OPCML: variants seen among roughly 807,000 people sequenced by gnomAD.
OPCML encodes opioid binding protein/cell adhesion molecule like.
A neutral mutation model predicts 37.8 loss-of-function variants in OPCML; 13 were observed. The observed-to-expected ratio is 0.34, with a 90% CI of 0.22 to 0.55. The LOEUF (loss-of-function observed/expected upper bound fraction) is 0.55, where lower values mean the gene tolerates loss of function less well. Among genes scored for constraint, OPCML ranks in the 20% least tolerant of loss-of-function variants. The pLI is 0.91. For missense variants in OPCML, 341 were observed against 435.6 expected (o/e 0.78, Z 1.93); for synonymous variants, 176 against 168.8 (o/e 1.04, Z -0.33).
At chr11:133,519,972 G>A (rs1398658705) in intron 1 of OPCML, among the ~76,000 whole-genome samples, 8 of 152,128 alleles carry the variant, frequency 5.3e-5, no homozygotes, top group African/African-American at 1.4e-4. Flanking sequence ...GCCACCTTAC[G>A]TCTCTGAGAG....
intron 2 of OPCML, among the ~76,000 whole-genome samples, chr11:132,940,012 C>T (rs966770369): frequency 6.6e-6 from 1 of 152,190 alleles, no homozygotes; most frequent in African/African-American, 2.4e-5. Context: ...ATTATTTTTG[C>T]TTTTCAAGTA....
rs116501961 is a variant in OPCML at position 133,153,163 on chromosome 11, G to A, written c.62-210153C>T. Among the ~76,000 whole-genome samples the A allele has an allele frequency of 4.5e-3, 692 of 152,246 alleles. 2 individuals are homozygous for A. Among genetic ancestry groups the A allele is most frequent in the African/African-American group, 0.016 (659 of 41,556 alleles). ...ATTCTGCAGCAGCTCAGAGAAAAGC[G>A]CTAGAAATTACTGGAGCTGTGGGAG... is the stretch of plus-strand genomic sequence containing the variant. On this transcript the variant is annotated intron_variant, in intron 1 of 7. Coordinates refer to ENST00000524381, the MANE Select transcript of OPCML (RefSeq NM_001012393.5).
intron 1 of OPCML, among the ~76,000 whole-genome samples, chr11:133,240,213 A>C (rs934914010): frequency 2.9e-4 from 14 of 48,670 alleles, no homozygotes; most frequent in Non-Finnish European, 4.1e-4. Flanking sequence ...CACTTGGGGC[A>C]AAAAAAAAAA....
chr11:133,421,380 C>T (rs943197173), intron 1 of OPCML: 1 of 985,354 alleles, frequency 1.0e-6, no homozygotes. Context: ...GGGTGTCACT[C>T]GGAGACCAGA....
At chr11:133,327,211 G>A (rs1426422935) in intron 1 of OPCML, among the ~76,000 whole-genome samples, 1 of 151,260 alleles carries the variant, frequency 6.6e-6, no homozygotes, top group Non-Finnish European at 1.5e-5. Flanking sequence ...GAGGGGGTAT[G>A]TGGGTATGTG....
chr11:132,510,176 T>C (rs2096265863), intron 4 of OPCML, among the ~76,000 whole-genome samples: 1 of 152,190 alleles, frequency 6.6e-6, no homozygotes, highest in South Asian at 2.1e-4. Context: ...GTAATCCCTT[T>C]GTTTTGGCCA....
At chr11:132,489,880 C>T (rs1178107999) in intron 4 of OPCML, among the ~76,000 whole-genome samples, 2 of 152,060 alleles carry the variant, frequency 1.3e-5, no homozygotes, top group Non-Finnish European at 2.9e-5. Flanking sequence ...GTGATGTTCC[C>T]CTCCCAGTGT....
intron 3 of OPCML, among the ~76,000 whole-genome samples, chr11:132,577,187 T>C (rs1345948030): frequency 2.0e-5 from 3 of 152,162 alleles, no homozygotes; most frequent in Non-Finnish European, 4.4e-5. Flanking sequence ...AAATTGTCCA[T>C]GAACTGTTGC....
chr11:133,175,125 C>T (rs987837066), intron 1 of OPCML, among the ~76,000 whole-genome samples: 4 of 152,172 alleles, frequency 2.6e-5, no homozygotes, highest in African/African-American at 9.7e-5. Flanking sequence ...AACTCAGTCA[C>T]ATAATAAAAG....
chr11:133,420,762 C>T, intron 1 of OPCML: 1 of 985,314 alleles, frequency 1.0e-6, no homozygotes, highest in Non-Finnish European at 1.2e-6. Flanking sequence ...TAGAATTCAG[C>T]CTTCAAGTTG....
chr11:133,473,337 C>T (rs1384033277), intron 1 of OPCML, among the ~76,000 whole-genome samples: 5 of 152,166 alleles, frequency 3.3e-5, no homozygotes, highest in African/African-American at 9.7e-5. Context: ...AGGATGCTAG[C>T]TTTCTCCTGC....
At chr11:132,421,242 T>C (rs1412172977) in intron 7 of OPCML, among the ~76,000 whole-genome samples, 1 of 152,136 alleles carries the variant, frequency 6.6e-6, no homozygotes, top group African/African-American at 2.4e-5. Context: ...CAGCAGCAAG[T>C]GTATCCCAGA....
intron 1 of OPCML, among the ~76,000 whole-genome samples, chr11:133,170,239 G>T (rs776736564): frequency 6.6e-6 from 1 of 152,216 alleles, no homozygotes; most frequent in Non-Finnish European, 1.5e-5. Flanking sequence ...CACTTTGTGA[G>T]GCCGAGGCGG....
intron 1 of OPCML, among the ~76,000 whole-genome samples, chr11:133,238,172 T>C (rs1940594594): frequency 6.6e-6 from 1 of 152,198 alleles, no homozygotes; most frequent in East Asian, 1.9e-4. Context: ...TACCCTGTGC[T>C]GTGAGTGACA....
chr11:132,762,966 G>A (rs967326469), intron 2 of OPCML, among the ~76,000 whole-genome samples: 1 of 152,104 alleles, frequency 6.6e-6, no homozygotes, highest in African/African-American at 2.4e-5. Context: ...AGAATCTCCT[G>A]GTCTGTGGGT....
At chr11:132,475,231 C>T (rs981977825) in intron 4 of OPCML, among the ~76,000 whole-genome samples, 3 of 152,186 alleles carry the variant, frequency 2.0e-5, no homozygotes, top group Non-Finnish European at 4.4e-5. Flanking sequence ...ATTAGATAGG[C>T]TTGCTTCTCC....
chr11:132,956,406 G>A (rs1945978848), intron 1 of OPCML, among the ~76,000 whole-genome samples: 2 of 152,198 alleles, frequency 1.3e-5, no homozygotes, highest in African/African-American at 4.8e-5. Context: ...TAGAGAGCAA[G>A]CTTCTCATAA....
intron 1 of OPCML, among the ~76,000 whole-genome samples, chr11:133,457,334 C>G (rs1374598740): frequency 6.6e-6 from 1 of 152,178 alleles, no homozygotes; most frequent in Non-Finnish European, 1.5e-5. Flanking sequence ...GAGTTCAAGA[C>G]TAGCCTGGGC....
At chr11:133,200,616 T>C (rs1207753014) in intron 1 of OPCML, among the ~76,000 whole-genome samples, 1 of 152,212 alleles carries the variant, frequency 6.6e-6, no homozygotes, top group Non-Finnish European at 1.5e-5. Flanking sequence ...CATACAGATA[T>C]AGGTATAGAT....
Sources: gnomAD v4.1 joint callset for allele counts (sites outside exome capture counted in the v4.1 genomes callset) on GRCh38, gnomAD v4.1.1 for gene constraint, MANE v1.5 for transcripts, NCBI Gene and HGNC (gene_info 2026-07-23, HGNC 2026-07-21) for gene names.